Variants in GSAP observed in about 807,000 individuals in gnomAD.
The protein encoded by GSAP is gamma-secretase activating protein.
A neutral mutation model predicts 131.7 loss-of-function variants in GSAP; 118 were observed. The observed-to-expected ratio is 0.90, with a 90% CI of 0.77 to 1.04. The LOEUF is 1.04. GSAP is among the 50% of genes least tolerant of loss of function. The probability of loss-of-function intolerance (pLI) is 0.00; values close to 1 mark genes in which losing one functional copy is unlikely to be tolerated. For synonymous variants in GSAP, 381 were observed against 363.4 expected (o/e 1.05, Z -0.55); for missense variants, 1,019 against 1,013.2 (o/e 1.01, Z -0.08).
chr7:77,353,010 A>C lies in GSAP; in HGVS notation c.1425T>G (p.Ser475Arg). The C allele has an allele frequency of 6.3e-7, 1 of 1,599,952 alleles. No individual in the cohort carries two copies. The highest frequency in any genetic ancestry group is 1.1e-5 in the South Asian group (1 of 90,618). ...CCATGTTACTTGTCTCTGAATATAC[A>C]CTCCAGTATGAAGAAGCTGAGTAGA... ...QEFIIASSYW[S>R]VYSETSNMDK... The change falls in exon 18 of 31, where the codon AGT (serine) becomes AGG (arginine). Residue 475 changes from serine to arginine, a missense_variant. Transcript: ENST00000257626.
intron 8 of GSAP, among the ~76,000 whole-genome samples, chr7:77,380,737 C>CA (rs959452842): frequency 9.4e-5 from 14 of 148,732 alleles, no homozygotes; most frequent in African/African-American, 2.5e-4. Flanking sequence ...GGAAAACAAG[C>CA]AAAAAAAAAT....
chr7:77,390,462 T>G (rs1799293959), intron 5 of GSAP, among the ~76,000 whole-genome samples: 1 of 152,196 alleles, frequency 6.6e-6, no homozygotes, highest in Admixed American at 6.5e-5. Context: ...AATTTTTGTA[T>G]AAGGTGTAAG....
In GSAP at chr7:77,330,233, T is replaced by A; in HGVS notation, c.1674+6A>T. Reference sequence around the variant, plus strand: ...GCTGGCTTTGTTCTCACTGACCCACTCATACCTCTTCAGAGATCAGGTTGT... The same window carrying A: ...GCTGGCTTTGTTCTCACTGACCCACACATACCTCTTCAGAGATCAGGTTGT... On this transcript the variant is annotated splice_donor_region_variant and intron_variant, in intron 20 of 30. Coordinates refer to ENST00000257626, the MANE Select transcript of GSAP (RefSeq NM_017439.4). The A allele has an allele frequency of 6.2e-7, 1 of 1,611,078 alleles. No individual in the cohort carries two copies. The highest frequency in any genetic ancestry group is 8.5e-7 in the Non-Finnish European group (1 of 1,178,430).
At chr7:77,404,855 G>C (rs1204507919) in intron 2 of GSAP, among the ~76,000 whole-genome samples, 1 of 152,140 alleles carries the variant, frequency 6.6e-6, no homozygotes, top group African/African-American at 2.4e-5. Context: ...GACTGAGCAT[G>C]GTGGGCGTAA....
chr7:77,311,423 T>G lies in GSAP; in HGVS notation c.2500A>C (p.Asn834His). ...TCCTCTACAAATTCTGCATCCACAT[T>G]GTCATGTCCTTCAAAAGGATACAGG... ...QALYPFEGHD[N>H]VDAEFVEEAA... The change falls in exon 31 of 31, where the codon AAT becomes CAT. Residue 834 changes from asparagine (N) to histidine (H), a missense_variant. Asn to His is a moderately conservative substitution (Grantham distance 68). Transcript: ENST00000257626. 2 of 1,610,336 alleles carry G rather than the reference T, an allele frequency of 1.2e-6. No individual in the cohort carries two copies.
At chr7:77,396,532 CA>C (rs951094428) in intron 5 of GSAP, among the ~76,000 whole-genome samples, 1 of 152,076 alleles carries the variant, frequency 6.6e-6, no homozygotes, top group African/African-American at 2.4e-5. Flanking sequence ...GGGGAGGGGC[CA>C]GGGAGCATCA....
In GSAP at chr7:77,377,397, A is replaced by G; in HGVS notation, c.577-7T>C. 1.3e-6 allele frequency: 2 copies of G among 1,491,770 alleles called. No individual in the cohort carries two copies. The highest frequency in any genetic ancestry group is 1.8e-6 in the Non-Finnish European group (2 of 1,134,858). The allele number at this position is 1,491,770 out of a possible 1,614,324, so 92.4% of individuals were successfully genotyped here. ...GGCCAGAATTTTTAATCACCTAAAAATGCAAAAAAAAAAAAAAAAAAAAAA... is the reference window on the plus strand; with the variant it reads ...GGCCAGAATTTTTAATCACCTAAAAGTGCAAAAAAAAAAAAAAAAAAAAAA... On this transcript the variant is annotated splice_polypyrimidine_tract_variant and splice_region_variant and intron_variant, in intron 8 of 30. Coordinates refer to ENST00000257626, the MANE Select transcript of GSAP (RefSeq NM_017439.4).
At chr7:77,347,498 T>G (rs1226174921) in intron 19 of GSAP, among the ~76,000 whole-genome samples, 3 of 152,156 alleles carry the variant, frequency 2.0e-5, no homozygotes, top group Admixed American at 2.0e-4. Flanking sequence ...GAAGTGTTTT[T>G]CTGTGTTGAT....
At chr7:77,319,221 T>G (rs2150607666) in intron 26 of GSAP, among the ~76,000 whole-genome samples, 1 of 152,088 alleles carries the variant, frequency 6.6e-6, no homozygotes, top group East Asian at 1.9e-4. Flanking sequence ...ACAACCAGAT[T>G]AAAAAATGGG....
At chr7:77,387,110 T>C (rs1798687658) in intron 6 of GSAP, among the ~76,000 whole-genome samples, 1 of 152,252 alleles carries the variant, frequency 6.6e-6, no homozygotes, top group Admixed American at 6.5e-5. Context: ...CTTAAATGTG[T>C]TTTAATATTT....
intron 1 of GSAP, among the ~76,000 whole-genome samples, chr7:77,409,226 A>C (rs1802844539): frequency 6.6e-6 from 1 of 152,168 alleles, no homozygotes. Flanking sequence ...TCACGCCTGT[A>C]ATCTCAGCAC....
rs1334210166 is a variant in GSAP at position 77,360,808 on chromosome 7, TC to T, written c.1027+15del. 7.2e-7 allele frequency: 1 copy of T among 1,387,832 alleles called. No individual in the cohort carries two copies. The highest frequency in any genetic ancestry group is 1.2e-5 in the South Asian group (1 of 86,188). The allele number at this position is 1,387,832 out of a possible 1,614,324, so 86.0% of individuals were successfully genotyped here. Reference sequence around the variant, plus strand: ...CAAGTGTTCAGAGCAGGGGGTGTGATCTCTCCATCACTCACCAAGGTTGAGA... The same window carrying T: ...CAAGTGTTCAGAGCAGGGGGTGTGATTCTCCATCACTCACCAAGGTTGAGA... On this transcript the variant is annotated intron_variant, in intron 14 of 30. Coordinates refer to ENST00000257626, the MANE Select transcript of GSAP (RefSeq NM_017439.4).
At chr7:77,383,425 A>G (rs1377058451) in intron 6 of GSAP, among the ~76,000 whole-genome samples, 1 of 152,232 alleles carries the variant, frequency 6.6e-6, no homozygotes, top group East Asian at 1.9e-4. Context: ...GACAGCTTCC[A>G]AAGTTCCACA....
chr7:77,365,195 T>A (rs1795105776), intron 12 of GSAP, among the ~76,000 whole-genome samples: 1 of 152,166 alleles, frequency 6.6e-6, no homozygotes, highest in South Asian at 2.1e-4. Flanking sequence ...GTGATCTTCC[T>A]ACTTTGGCCT....
chr7:77,330,900 C>T, intron 19 of GSAP: 1 of 962,768 alleles, frequency 1.0e-6, no homozygotes, highest in Non-Finnish European at 1.2e-6. Context: ...TCACATACAC[C>T]AAAACAGAAT....
At chr7:77,416,023 C>T (rs1804363239) in intron 1 of GSAP, among the ~76,000 whole-genome samples, 190 bp downstream of exon 1, 1 of 152,244 alleles carries the variant, frequency 6.6e-6, no homozygotes, top group African/African-American at 2.4e-5. Context: ...GCTCTGCCCC[C>T]AGACCTTCCG....
chr7:77,318,382 T>C (rs1437521251), intron 26 of GSAP, among the ~76,000 whole-genome samples: 1 of 152,208 alleles, frequency 6.6e-6, no homozygotes, highest in Admixed American at 6.5e-5. Flanking sequence ...TGTGTGTACT[T>C]TCAACAGTAC....
intron 22 of GSAP, chr7:77,326,561 T>G (rs1788354894): frequency 3.8e-6 from 1 of 262,722 alleles, no homozygotes; most frequent in African/African-American, 2.2e-5. Flanking sequence ...GAACCTCTGC[T>G]CCACTGGAAA....
chr7:77,362,525 T>A (rs1314622525), intron 13 of GSAP, 58 bp downstream of exon 13: 1 of 895,832 alleles, frequency 1.1e-6, no homozygotes, highest in Non-Finnish European at 1.9e-6. Flanking sequence ...GCTATCTAAT[T>A]TGCTACTATT....
Sources: gnomAD v4.1 joint callset for allele counts (sites outside exome capture counted in the v4.1 genomes callset) on GRCh38, gnomAD v4.1.1 for gene constraint, MANE v1.5 for transcripts, NCBI Gene and HGNC (gene_info 2026-07-23, HGNC 2026-07-21) for gene names.